CCDC60: variants seen among roughly 807,000 people sequenced by gnomAD.
CCDC60 encodes the protein coiled-coil domain-containing protein 60.
CCDC60 carries 54 observed loss-of-function variants against 63.5 expected under a neutral mutation model. The ratio of observed to expected loss-of-function variants is 0.85; its 90% CI spans 0.68 to 1.07. The LOEUF is 1.07. Ranked by LOEUF, CCDC60 falls within the 50% of genes least tolerant of loss-of-function variation. The pLI is 0.00. For missense variants in CCDC60, 651 were observed against 684.3 expected, an observed-to-expected ratio of 0.95 and a Z score of 0.54; for synonymous variants, 206 against 238.8, an observed-to-expected ratio of 0.86 and a Z score of 1.27.
rs1428916850 is a variant in CCDC60, at chr12:119,420,439, T to C, written c.91-8244T>C. ...GAACTGGAGATCATTATGTTAAGTG[T>C]GTTAAGTGAAACAAGCCAGACACAG... On this transcript the variant is annotated intron_variant, in intron 1 of 13. Transcript: ENST00000327554. This position sits in a 1 kb window ranked among gnomAD's most constrained non-coding sequence, Gnocchi z 4.1. Among the ~76,000 whole-genome samples the C allele has an allele frequency of 6.6e-6, 1 of 152,200 alleles. No homozygotes were observed. The highest frequency in any genetic ancestry group is 1.5e-5 in the Non-Finnish European group (1 of 68,046).
intron 1 of CCDC60, among the ~76,000 whole-genome samples, chr12:119,418,836 G>T (rs1956758307): frequency 6.6e-6 from 1 of 152,136 alleles, no homozygotes; most frequent in Admixed American, 6.5e-5. Flanking sequence ...TGTCCCCTTG[G>T]TGTCCTAGAG....
intron 8 of CCDC60, among the ~76,000 whole-genome samples, chr12:119,519,463 A>ATTT (rs1158771501): frequency 3.2e-5 from 4 of 124,494 alleles, no homozygotes; most frequent in African/African-American, 1.4e-4. Context: ...ATATATATAT[A>ATTT]TATATTTTTT....
At chr12:119,416,072 T>G (rs1956693318) in intron 1 of CCDC60, among the ~76,000 whole-genome samples, 1 of 152,080 alleles carries the variant, frequency 6.6e-6, no homozygotes, top group African/African-American at 2.4e-5. Flanking sequence ...CTTATAGGGT[T>G]GGCATGAGGA....
chr12:119,353,386 A>G (rs1280485527), intron 1 of CCDC60, among the ~76,000 whole-genome samples: 1 of 152,092 alleles, frequency 6.6e-6, no homozygotes, highest in Non-Finnish European at 1.5e-5. Flanking sequence ...CTCTCCAGAA[A>G]GCAGTTTTTA....
intron 2 of CCDC60, among the ~76,000 whole-genome samples, chr12:119,440,363 T>C (rs1950418465): frequency 6.6e-6 from 1 of 152,028 alleles, no homozygotes; most frequent in Non-Finnish European, 1.5e-5. Context: ...ACCCAGTCTC[T>C]ACTAAAAATA....
At chr12:119,424,802 T>C (rs1268932638) in intron 1 of CCDC60, among the ~76,000 whole-genome samples, 1 of 152,226 alleles carries the variant, frequency 6.6e-6, no homozygotes, top group Non-Finnish European at 1.5e-5. Context: ...CCTACCTTTA[T>C]AATTATAAAA....
At chr12:119,370,265 T>G (rs957166385) in intron 1 of CCDC60, among the ~76,000 whole-genome samples, 2 of 152,202 alleles carry the variant, frequency 1.3e-5, no homozygotes, top group Non-Finnish European at 2.9e-5. Context: ...CATGCACTAT[T>G]GTTAAGTTCT....
rs1446384030 is a variant in CCDC60, at chr12:119,456,055, G to GC, written c.171-15939_171-15938insC. On this transcript the variant is annotated intron_variant, in intron 2 of 13. Coordinates refer to ENST00000327554, the MANE Select transcript of CCDC60 (RefSeq NM_178499.5). The surrounding 1 kb of genome is among the most constrained non-coding windows in gnomAD (Gnocchi z 4.6). ...AGAAAGAAAGAAAGAAAGAAAGAAA[G>GC]AAAGAAAGCAAGCAAGCATGTGCAA... Among the ~76,000 whole-genome samples, 852 of 139,092 alleles carry GC rather than the reference G, an allele frequency of 6.1e-3. 37 individuals carry two copies. The highest frequency in any genetic ancestry group is 0.04 in the East Asian group (167 of 4,134). The allele number at this position is 139,092 out of a possible 152,430, so 91.2% of individuals were successfully genotyped here. A position where few individuals can be genotyped will look rare whatever the true frequency, so the allele number is the denominator to read the frequency against.
chr12:119,335,813 T>A (rs11064753), intron 1 of CCDC60, among the ~76,000 whole-genome samples: 147,955 of 150,712 alleles, frequency 0.98, 72,649 homozygotes, highest in East Asian at 1. Flanking sequence ...ATTAGATCCC[T>A]TTTGTCAATT....
intron 1 of CCDC60, among the ~76,000 whole-genome samples, chr12:119,401,341 T>C (rs933856221): frequency 1.3e-5 from 2 of 152,216 alleles, no homozygotes; most frequent in African/African-American, 4.8e-5. Context: ...CATTCATCCA[T>C]CCAACTGTCC....
chr12:119,505,119 C>G lies in CCDC60; in HGVS notation c.699C>G (p.Ser233Arg). 6.2e-7 allele frequency: 1 copy of G among 1,612,216 alleles called. No homozygotes were observed. The highest frequency in any genetic ancestry group is 8.5e-7 in the Non-Finnish European group (1 of 1,178,732). ...TGCGAGTCACCAACCGCAAACCAAG[C>G]CGGCGAGGCTCCACACTCAGTCTGA... is the stretch of plus-strand genomic sequence containing the variant. ...PTMRVTNRKP[S>R]RRGSTLSLSR... The change falls in exon 7 of 14, where the codon AGC (serine) becomes AGG (arginine). Residue 233 changes from serine (S) to arginine (R), a missense_variant. Ser to Arg is a moderately radical substitution (Grantham distance 110). Coordinates refer to ENST00000327554, the MANE Select transcript of CCDC60 (RefSeq NM_178499.5).
chr12:119,489,299 C>G (rs989241835), intron 5 of CCDC60, among the ~76,000 whole-genome samples: 47 of 152,002 alleles, frequency 3.1e-4, no homozygotes, highest in Middle Eastern at 3.2e-3. Flanking sequence ...TCTTTCTTTT[C>G]TTTTTGTTTT....
At chr12:119,450,451 T>C (rs1399596044) in intron 2 of CCDC60, among the ~76,000 whole-genome samples, 1 of 152,126 alleles carries the variant, frequency 6.6e-6, no homozygotes, top group African/African-American at 2.4e-5. Context: ...TGAGTAGAAG[T>C]TTGCCAGGTG....
At chr12:119,527,956 T>G (rs1727433) in intron 11 of CCDC60, among the ~76,000 whole-genome samples, 49,483 of 151,508 alleles carry the variant, frequency 0.33, 8,446 homozygotes, top group African/African-American at 0.44. Context: ...ACAGGCATGA[T>G]CCACTGCGCC....
At chr12:119,339,617 T>C (rs1383552128) in intron 1 of CCDC60, among the ~76,000 whole-genome samples, 1 of 151,850 alleles carries the variant, frequency 6.6e-6, no homozygotes, top group African/African-American at 2.4e-5. Flanking sequence ...TGAGACCCCA[T>C]CTCCACAAAA....
At chr12:119,521,371 C>G (rs1434111838) in intron 9 of CCDC60, among the ~76,000 whole-genome samples, 1 of 152,166 alleles carries the variant, frequency 6.6e-6, no homozygotes, top group Non-Finnish European at 1.5e-5. Flanking sequence ...GAGAGTCAAG[C>G]ATTTCTCAGA....
intron 8 of CCDC60, among the ~76,000 whole-genome samples, chr12:119,518,053 G>A (rs907743121): frequency 5.9e-5 from 9 of 152,114 alleles, no homozygotes; most frequent in African/African-American, 1.2e-4. Context: ...AGTTCACTGC[G>A]CACTTTCACA....
intron 7 of CCDC60, among the ~76,000 whole-genome samples, chr12:119,507,228 T>C (rs1320663860): frequency 6.6e-6 from 1 of 151,688 alleles, no homozygotes; most frequent in Admixed American, 6.6e-5. Context: ...TGAGCAGAAG[T>C]GCAAAAGTCC....
Position 119,519,465 on chromosome 12 carries a change from A to ATT in CCDC60, c.969-655_969-654insTT, listed in dbSNP as rs1452050210. ...TGTGTGTGTGTGTATATATATATATATATTTTTTTTTTTTTTTGACAGAGT... is the reference window on the plus strand; with the variant it reads ...TGTGTGTGTGTGTATATATATATATATTTATTTTTTTTTTTTTTTGACAGAGT... On this transcript the variant is annotated intron_variant, in intron 8 of 13. Coordinates refer to ENST00000327554, the MANE Select transcript of CCDC60 (RefSeq NM_178499.5). Among the ~76,000 whole-genome samples, 301 of 122,258 alleles carry ATT rather than the reference A, an allele frequency of 2.5e-3. 5 individuals are homozygous for ATT. Among genetic ancestry groups the ATT allele is most frequent in the African/African-American group, 7.9e-3 (232 of 29,290 alleles). The allele number at this position is 122,258 out of a possible 152,430, so 80.2% of individuals were successfully genotyped here.
Sources: allele counts gnomAD v4.1 joint callset (sites outside exome capture counted in the v4.1 genomes callset), GRCh38; gene constraint gnomAD v4.1.1; non-coding constraint Gnocchi (gnomAD v3.1); transcripts MANE v1.5; gene names NCBI Gene and HGNC (gene_info 2026-07-23, HGNC 2026-07-21).